Variants in ARMH3 observed in about 807,000 individuals in gnomAD.
ARMH3 encodes the protein armadillo like helical domain containing 3.
ARMH3 carries 60 observed loss-of-function variants against 99.1 expected under a neutral mutation model. The ratio of observed to expected loss-of-function variants is 0.61; its 90% CI spans 0.49 to 0.75. The LOEUF is 0.75. Ranked by LOEUF, ARMH3 falls within the 30% of genes least tolerant of loss-of-function variation. ARMH3 has a pLI of 0.00. For missense variants in ARMH3, 679 were observed against 843.1 expected (o/e 0.81, Z 2.41); for synonymous variants, 285 against 292.8 (o/e 0.97, Z 0.27).
chr10:101,865,242 C>T (rs1478771319), intron 24 of ARMH3, among the ~76,000 whole-genome samples: 3 of 149,526 alleles, frequency 2.0e-5, no homozygotes, highest in African/African-American at 7.4e-5. Flanking sequence ...AACAAACAAA[C>T]AAACAAAAAG....
At chr10:101,893,320 C>T (rs1341624213) in intron 23 of ARMH3, among the ~76,000 whole-genome samples, 1 of 152,152 alleles carries the variant, frequency 6.6e-6, no homozygotes, top group Non-Finnish European at 1.5e-5. Flanking sequence ...AATGCATCCA[C>T]ATTTTATGCT....
intron 1 of ARMH3, among the ~76,000 whole-genome samples, chr10:102,052,969 G>A (rs1196497336): frequency 6.6e-6 from 1 of 151,894 alleles, no homozygotes; most frequent in Non-Finnish European, 1.5e-5. Context: ...TCCATATCCT[G>A]TCAATGAAAT....
chr10:101,975,158 A>G lies in ARMH3; in HGVS notation c.1495+54T>C. ...AAAAATCCACCTTGAGCCCAGGCCTAGGGGCTCAAAAAAGGTATAGAAAAA... is the reference window on the plus strand; with the variant it reads ...AAAAATCCACCTTGAGCCCAGGCCTGGGGGCTCAAAAAAGGTATAGAAAAA... On this transcript the variant is annotated intron_variant, in intron 20 of 25. Coordinates refer to ENST00000370033, the MANE Select transcript of ARMH3 (RefSeq NM_024541.3). 7 of 1,444,996 alleles carry G rather than the reference A, an allele frequency of 4.8e-6. No homozygotes were observed. The South Asian group carries it at 6.9e-5, about 14-fold the overall frequency. The allele number at this position is 1,444,996 out of a possible 1,614,324, so 89.5% of individuals were successfully genotyped here.
intron 24 of ARMH3, among the ~76,000 whole-genome samples, chr10:101,859,949 A>G (rs1419436224): frequency 2.0e-5 from 3 of 152,196 alleles, no homozygotes; most frequent in African/African-American, 7.2e-5. Flanking sequence ...AGTTAAAAGG[A>G]TAAAATATTA....
At chr10:101,972,822 C>G (rs1253894625) in intron 20 of ARMH3, among the ~76,000 whole-genome samples, 1 of 152,154 alleles carries the variant, frequency 6.6e-6, no homozygotes, top group Non-Finnish European at 1.5e-5. Flanking sequence ...TCGCGACAAG[C>G]AATGGTCCAT....
At chr10:102,053,502 T>A (rs1248106584) in intron 1 of ARMH3, among the ~76,000 whole-genome samples, 3 of 151,812 alleles carry the variant, frequency 2.0e-5, no homozygotes, top group African/African-American at 4.8e-5. Flanking sequence ...CCCAAAGTGC[T>A]AGGATTACAG....
At chr10:101,964,566 C>A (rs1245460943) in intron 20 of ARMH3, among the ~76,000 whole-genome samples, 1 of 152,154 alleles carries the variant, frequency 6.6e-6, no homozygotes, top group Non-Finnish European at 1.5e-5. Context: ...GAAGAAAATT[C>A]TGACAACATA....
At chr10:101,860,382 T>G (rs2066839095) in intron 24 of ARMH3, among the ~76,000 whole-genome samples, 1 of 152,170 alleles carries the variant, frequency 6.6e-6, no homozygotes, top group African/African-American at 2.4e-5. Flanking sequence ...GAACTTCCAC[T>G]TGATAGAGTA....
chr10:101,906,556 G>C (rs979652151), intron 23 of ARMH3, among the ~76,000 whole-genome samples: 2 of 152,192 alleles, frequency 1.3e-5, no homozygotes, highest in African/African-American at 4.8e-5. Flanking sequence ...TTACTTGAGA[G>C]ATATTTAGAA....
At chr10:101,851,342 T>A (rs2066596162) in intron 24 of ARMH3, among the ~76,000 whole-genome samples, 1 of 151,942 alleles carries the variant, frequency 6.6e-6, no homozygotes, top group Non-Finnish European at 1.5e-5. Flanking sequence ...AGAAGTGAGC[T>A]AGGAAGAAAG....
chr10:102,001,969 A>AC lies in ARMH3; in HGVS notation c.1150+1dup. 1 of 1,613,826 alleles carries AC rather than the reference A, an allele frequency of 6.2e-7. No homozygotes were observed. The highest frequency in any genetic ancestry group is 2.2e-5 in the East Asian group (1 of 44,882). Reference sequence around the variant, plus strand: ...TGAGCCCCCAAAATAGCTATGGCTTACCTTTGGTGTCCTGCATGACAATTG... The same window carrying AC: ...TGAGCCCCCAAAATAGCTATGGCTTACCCTTTGGTGTCCTGCATGACAATTG... On this transcript the variant is annotated splice_donor_variant, in intron 15 of 25. Transcript: ENST00000370033. LOFTEE classifies it high-confidence loss of function.
intron 23 of ARMH3, among the ~76,000 whole-genome samples, chr10:101,905,886 C>T (rs1018565103): frequency 6.6e-5 from 10 of 152,214 alleles, no homozygotes; most frequent in African/African-American, 1.9e-4. Flanking sequence ...CTTTCAAACC[C>T]TCCATGAACC....
At chr10:101,865,823 A>G (rs2066989121) in intron 24 of ARMH3, among the ~76,000 whole-genome samples, 1 of 151,966 alleles carries the variant, frequency 6.6e-6, no homozygotes, top group South Asian at 2.1e-4. Flanking sequence ...TCCTGTTGCT[A>G]GTGTGGTGAG....
chr10:102,022,838 C>T (rs1207064907), intron 8 of ARMH3, among the ~76,000 whole-genome samples: 1 of 150,962 alleles, frequency 6.6e-6, no homozygotes, highest in East Asian at 2.0e-4. Flanking sequence ...CCTCGGCCTC[C>T]CAAAGTGCTG....
chr10:102,009,492 G>A (rs367799576), intron 12 of ARMH3, 43 bp from the exon 13 acceptor site: 2 of 1,497,316 alleles, frequency 1.3e-6, no homozygotes, highest in South Asian at 1.1e-5. Context: ...TTATAGTGGG[G>A]GGAGTTAAAA....
intron 13 of ARMH3, among the ~76,000 whole-genome samples, chr10:102,008,925 C>T (rs560388755): frequency 6.6e-6 from 1 of 152,232 alleles, no homozygotes; most frequent in East Asian, 1.9e-4. Context: ...CTGTTAACAG[C>T]TAACCTTAAC....
intron 1 of ARMH3, among the ~76,000 whole-genome samples, chr10:102,049,844 A>G (rs1430568451): frequency 6.6e-6 from 1 of 152,098 alleles, no homozygotes; most frequent in Non-Finnish European, 1.5e-5. Context: ...GGCATGAGCC[A>G]CTGCACCCGG....
In ARMH3 at chr10:102,022,761, T is replaced by C. The variant is rs1045343929; in HGVS notation, c.669+716A>G. ...ACACCCAGCTAATTTTTTGTATTTT[T>C]AGTAGAGACGGGGTTTCACCGTGTT... On this transcript the variant is annotated intron_variant, in intron 8 of 25. Coordinates refer to ENST00000370033, the MANE Select transcript of ARMH3 (RefSeq NM_024541.3). Among the ~76,000 whole-genome samples the C allele has an allele frequency of 8.2e-4, 123 of 150,326 alleles. 1 individual carries two copies. The highest frequency in any genetic ancestry group is 1.3e-3 in the Non-Finnish European group (89 of 67,374).
chr10:101,990,709 A>T, intron 18 of ARMH3, 98 bp from the exon 19 acceptor site: 1 of 863,274 alleles, frequency 1.2e-6, no homozygotes, highest in Non-Finnish European at 1.9e-6. Flanking sequence ...TTGCACTCAC[A>T]CTGAACGGCA....
Sources: gnomAD v4.1 joint callset for allele counts (sites outside exome capture counted in the v4.1 genomes callset) on GRCh38, gnomAD v4.1.1 for gene constraint, MANE v1.5 for transcripts, NCBI Gene and HGNC (gene_info 2026-07-23, HGNC 2026-07-21) for gene names.